Variants in SEC61A2 observed in about 807,000 individuals in gnomAD.
The protein encoded by SEC61A2 is SEC61 translocon subunit alpha 2.
In SEC61A2, 28 loss-of-function variants were observed where a neutral mutation model predicts 59.9. The observed-to-expected ratio is 0.47, with a 90% CI of 0.35 to 0.64. SEC61A2 has a LOEUF of 0.64. Ranked by LOEUF, SEC61A2 falls within the 30% of genes least tolerant of loss-of-function variation. SEC61A2 has a pLI of 0.01. For synonymous variants in SEC61A2, 202 were observed against 214.4 expected (o/e 0.94, Z 0.50); for missense variants, 340 against 585.9 (o/e 0.58, Z 4.33).
Position 12,133,054 on chromosome 10 carries a change from G to A in SEC61A2, c.8-187G>A, listed in dbSNP as rs1186087903. 2.6e-5 allele frequency among the ~76,000 whole-genome samples: 4 copies of A among 152,164 alleles called. No homozygotes were observed. The East Asian group carries it at 7.7e-4, about 29-fold the overall frequency. On this transcript the variant is annotated intron_variant, in intron 1 of 11. Coordinates refer to ENST00000298428, the MANE Select transcript of SEC61A2 (RefSeq NM_018144.4). ...GCCATCAAACCATTTGGACTTCTTT[G>A]TCCCTGGAATGATATCTCTTCCTTT...
rs528060433 is a variant in SEC61A2, at chr10:12,156,886, G to T, written c.617-21G>T. 1.2e-6 allele frequency: 2 copies of T among 1,612,690 alleles called. No individual in the cohort carries two copies. Among genetic ancestry groups the T allele is most frequent in the East Asian group, 2.2e-5 (1 of 44,872 alleles). The stretch of plus-strand genomic sequence containing the variant: ...GCTTTGGACGATGAGTCCACAGGTC[G>T]TGTCTGTCTTGATTTTACAGGTACT... On this transcript the variant is annotated intron_variant, in intron 7 of 11. Coordinates refer to ENST00000298428, the MANE Select transcript of SEC61A2 (RefSeq NM_018144.4). This position sits in a 1 kb window ranked among gnomAD's most constrained non-coding sequence, Gnocchi z 5.2.
Position 12,162,296 on chromosome 10 carries a change from C to G in SEC61A2, c.1244+7C>G. ...TGGTTCATGAGCTTAATAGGTAAGG[C>G]TGCTAGACTGACACCTTTATAGGCC... On this transcript the variant is annotated splice_region_variant and intron_variant, in intron 11 of 11. Transcript: ENST00000298428. This position sits in a 1 kb window ranked among gnomAD's most constrained non-coding sequence, Gnocchi z 6.1. 1.2e-6 allele frequency: 2 copies of G among 1,605,342 alleles called. No homozygotes were observed. Among genetic ancestry groups the G allele is most frequent in the East Asian group, 4.5e-5 (2 of 44,770 alleles).
rs1228583421 is a variant in SEC61A2 at position 12,154,517 on chromosome 10, A to G, written c.463-1261A>G. On this transcript the variant is annotated intron_variant, in intron 6 of 11. Transcript: ENST00000298428. The surrounding 1 kb of genome is among the most constrained non-coding windows in gnomAD (Gnocchi z 5.2). ...TGGGGAGTCTCTGTTCACTAATTAC[A>G]TGATTGTGGTTAAATAGAATCGGTA... Among the ~76,000 whole-genome samples, 2 of 152,156 alleles carry G rather than the reference A, an allele frequency of 1.3e-5. No individual in the cohort carries two copies. Among genetic ancestry groups the G allele is most frequent in the African/African-American group, 2.4e-5 (1 of 41,428 alleles).
chr10:12,147,768 T>A (rs1021307249), intron 4 of SEC61A2, among the ~76,000 whole-genome samples: 1 of 152,082 alleles, frequency 6.6e-6, no homozygotes, highest in Admixed American at 6.6e-5. Flanking sequence ...TAGGTTTAAT[T>A]TCCTAAAAAT....
chr10:12,130,078 A>G (rs185408976), intron 1 of SEC61A2, among the ~76,000 whole-genome samples: 1 of 152,168 alleles, frequency 6.6e-6, no homozygotes, highest in South Asian at 2.1e-4. Flanking sequence ...GAGTTAGGGC[A>G]CCGGGTGAAC....
chr10:12,139,533 C>G (rs972770917), intron 3 of SEC61A2, among the ~76,000 whole-genome samples: 6 of 151,856 alleles, frequency 4.0e-5, no homozygotes, highest in African/African-American at 7.2e-5. Context: ...ACCTATAATC[C>G]CAGCACTTTG....
At chr10:12,150,980 T>C (rs1834258176) in intron 6 of SEC61A2, among the ~76,000 whole-genome samples, 1 of 152,124 alleles carries the variant, frequency 6.6e-6, no homozygotes, top group Non-Finnish European at 1.5e-5. Context: ...TTTCACCATG[T>C]TGGCCAGGCT....
rs745929204 is a variant in SEC61A2, at chr10:12,149,996, A to C, written c.462+35A>C. 7.2e-7 allele frequency: 1 copy of C among 1,394,886 alleles called. No homozygotes were observed. The highest frequency in any genetic ancestry group is 1.2e-5 in the South Asian group (1 of 86,216). 86.4% of individuals were successfully genotyped at this position (1,394,886 alleles called of 1,614,324 possible). A position where few individuals can be genotyped will look rare whatever the true frequency, so the allele number is the denominator to read the frequency against. On this transcript the variant is annotated intron_variant, in intron 6 of 11. Coordinates refer to ENST00000298428, the MANE Select transcript of SEC61A2 (RefSeq NM_018144.4). The surrounding 1 kb of genome is among the most constrained non-coding windows in gnomAD (Gnocchi z 5.2). Reference sequence around the variant, plus strand: ...CCTATATTTTCCTATGCAGATAACAAAACAGTTTGATTCCTTTTTCCTTTT... The same window carrying C: ...CCTATATTTTCCTATGCAGATAACACAACAGTTTGATTCCTTTTTCCTTTT...
At chr10:12,168,014 A>C, downstream of SEC61A2, 3 of 976,228 alleles carry the variant, frequency 3.1e-6, no homozygotes, top group Non-Finnish European at 2.7e-6. The surrounding 1 kb of genome is among the most constrained non-coding windows in gnomAD (Gnocchi z 4.8). Flanking sequence ...AGACAAGAAC[A>C]TCAGGGATAA....
intron 4 of SEC61A2, among the ~76,000 whole-genome samples, chr10:12,146,779 A>G (rs952924137): frequency 2.6e-5 from 4 of 152,046 alleles, no homozygotes; most frequent in Non-Finnish European, 5.9e-5. Flanking sequence ...CAGCCTCCCA[A>G]AGTGCTGGGA....
rs760744118 is a variant in SEC61A2 at position 12,158,128 on chromosome 10, T to G, written c.975+23T>G. 2.6e-6 allele frequency: 4 copies of G among 1,525,160 alleles called. No homozygotes were observed. Among genetic ancestry groups the G allele is most frequent in the Admixed American group, 1.8e-5 (1 of 56,668 alleles). The allele number at this position is 1,525,160 out of a possible 1,614,324, so 94.5% of individuals were successfully genotyped here. ...GCCGTGAGTATTATGTTTATTTACA[T>G]TATTTATAGTTTATTATAATTTGCA... On this transcript the variant is annotated intron_variant, in intron 9 of 11. Coordinates refer to ENST00000298428, the MANE Select transcript of SEC61A2 (RefSeq NM_018144.4). The surrounding 1 kb of genome is among the most constrained non-coding windows in gnomAD (Gnocchi z 5.7).
At chr10:12,133,851 T>C (rs1833820062) in intron 2 of SEC61A2, among the ~76,000 whole-genome samples, 1 of 152,148 alleles carries the variant, frequency 6.6e-6, no homozygotes, top group Non-Finnish European at 1.5e-5. Flanking sequence ...ACTTTCAGAG[T>C]TCAGGTATTT....
At chr10:12,137,136 G>A (rs768237873) in intron 3 of SEC61A2, among the ~76,000 whole-genome samples, 1 of 151,748 alleles carries the variant, frequency 6.6e-6, no homozygotes, top group South Asian at 2.1e-4. Flanking sequence ...CAGCTCCTAG[G>A]CTCAGGTGAT....
At chr10:12,151,252 A>T (rs1040792835) in intron 6 of SEC61A2, among the ~76,000 whole-genome samples, 4 of 151,002 alleles carry the variant, frequency 2.6e-5, no homozygotes, top group Non-Finnish European at 5.9e-5. Context: ...TTTTCTTGGA[A>T]ATGCCTCTTC....
intron 1 of SEC61A2, among the ~76,000 whole-genome samples, chr10:12,131,816 G>T (rs1216848524): frequency 1.4e-5 from 2 of 137,976 alleles, no homozygotes; most frequent in Non-Finnish European, 3.1e-5. Flanking sequence ...TCAGCCTCCT[G>T]GGGAGGGGGG....
chr10:12,166,144 G>A (rs1834681617), downstream of SEC61A2: 1 of 152,312 alleles, frequency 6.6e-6, no homozygotes, highest in African/African-American at 2.4e-5. Flanking sequence ...TTAGGAAGAA[G>A]GAGAGGATAA....
Position 12,161,125 on chromosome 10 carries a change from A to C in SEC61A2, c.1167+4A>C, listed in dbSNP as rs1228404480. Reference sequence around the variant, plus strand: ...GTCTGGTTCCTCAGCCAAAGATGTAAGTGTTTGGTTTATTTTAAAATAAAA... The same window carrying C: ...GTCTGGTTCCTCAGCCAAAGATGTACGTGTTTGGTTTATTTTAAAATAAAA... On this transcript the variant is annotated splice_donor_region_variant and intron_variant, in intron 10 of 11. Transcript: ENST00000298428. The surrounding 1 kb of genome is among the most constrained non-coding windows in gnomAD (Gnocchi z 5.4). The C allele has an allele frequency of 1.3e-6, 2 of 1,596,894 alleles. No homozygotes were observed. Among genetic ancestry groups the C allele is most frequent in the Non-Finnish European group, 1.7e-6 (2 of 1,170,986 alleles).
chr10:12,162,142 G>A lies in SEC61A2; in HGVS notation c.1168-71G>A, dbSNP rs577300094. 1.6e-5 allele frequency: 19 copies of A among 1,184,736 alleles called. No individual in the cohort carries two copies. The highest frequency in any genetic ancestry group is 5.3e-5 in the Admixed American group (3 of 57,028). 73.4% of individuals were successfully genotyped at this position (1,184,736 alleles called of 1,614,324 possible). A position where few individuals can be genotyped will look rare whatever the true frequency, so the allele number is the denominator to read the frequency against. ...CGTGTTAGTGTGTGGCGAGCACTTC[G>A]CATAGAACGTGGTAGATGTAAGCAG... On this transcript the variant is annotated intron_variant, in intron 10 of 11. Transcript: ENST00000298428. The surrounding 1 kb of genome is among the most constrained non-coding windows in gnomAD (Gnocchi z 6.1).
chr10:12,137,791 G>A (rs1399996501), intron 3 of SEC61A2, among the ~76,000 whole-genome samples: 1 of 152,112 alleles, frequency 6.6e-6, no homozygotes, highest in Admixed American at 6.6e-5. Context: ...AGGATTACTT[G>A]ACGTCAGGAG....
Sources: allele counts gnomAD v4.1 joint callset (sites outside exome capture counted in the v4.1 genomes callset), GRCh38; gene constraint gnomAD v4.1.1; non-coding constraint Gnocchi (gnomAD v3.1); transcripts MANE v1.5; gene names NCBI Gene and HGNC (gene_info 2026-07-23, HGNC 2026-07-21).